NPNT: variants seen among roughly 807,000 people sequenced by gnomAD.
The protein encoded by NPNT is nephronectin.
NPNT carries 45 observed loss-of-function variants against 68.6 expected under a neutral mutation model. The ratio of observed to expected loss-of-function variants is 0.66; its 90% CI spans 0.52 to 0.84. The LOEUF (loss-of-function observed/expected upper bound fraction) is 0.84, where lower values mean the gene tolerates loss of function less well. Ranked by LOEUF, NPNT falls within the 40% of genes least tolerant of loss-of-function variation. The pLI is 0.00. For synonymous variants in NPNT, 233 were observed against 253.3 expected (o/e 0.92, Z 0.76); for missense variants, 672 against 714.8 (o/e 0.94, Z 0.68).
At chr4:105,935,928 C>T (rs562027913) in intron 3 of NPNT, among the ~76,000 whole-genome samples, 43 of 152,184 alleles carry the variant, frequency 2.8e-4, no homozygotes, top group African/African-American at 1.0e-3. Context: ...GACATATTAT[C>T]TATATTTTTT....
Position 105,968,998 on chromosome 4 carries a change from A to G in NPNT, c.*8A>G, listed in dbSNP as rs1732386686. ...TGCTCTGAAGAACGCTAACAACTCC[A>G]GAACTAACAATGAACTCCTATGTTG... On this transcript the variant is annotated 3_prime_UTR_variant, in exon 12 of 12. Coordinates refer to ENST00000379987, the MANE Select transcript of NPNT (RefSeq NM_001033047.3). 4 of 1,540,680 alleles carry G rather than the reference A, an allele frequency of 2.6e-6. No individual in the cohort carries two copies. The highest frequency in any genetic ancestry group is 2.7e-5 in the African/African-American group (2 of 73,368).
intron 2 of NPNT, among the ~76,000 whole-genome samples, chr4:105,915,768 T>C (rs1727763504): frequency 6.6e-6 from 1 of 152,212 alleles, no homozygotes; most frequent in Non-Finnish European, 1.5e-5. Flanking sequence ...AGAAACTTGA[T>C]ATGTGCTTGG....
chr4:105,946,455 G>A (rs373350721), intron 8 of NPNT, among the ~76,000 whole-genome samples: 7 of 152,172 alleles, frequency 4.6e-5, no homozygotes, highest in Admixed American at 1.3e-4. Flanking sequence ...AGGGGAACCC[G>A]CCCCCAATAT....
intron 2 of NPNT, among the ~76,000 whole-genome samples, chr4:105,905,665 T>TA (rs1403368694): frequency 7.2e-5 from 11 of 152,224 alleles, no homozygotes; most frequent in Admixed American, 7.2e-4. Flanking sequence ...ATCCCCTATT[T>TA]ATGTACCTTT....
chr4:105,963,557 T>C (rs1176586529), intron 10 of NPNT, among the ~76,000 whole-genome samples: 2 of 151,890 alleles, frequency 1.3e-5, no homozygotes, highest in Admixed American at 6.6e-5. Flanking sequence ...AAATGGAAAA[T>C]TGTGCTGCTG....
intron 8 of NPNT, among the ~76,000 whole-genome samples, chr4:105,949,211 T>C (rs1730620906): frequency 6.6e-6 from 1 of 152,198 alleles, no homozygotes; most frequent in Non-Finnish European, 1.5e-5. Context: ...TTCTCAATAC[T>C]CCAATGTGCT....
rs745892365 is a variant in NPNT, at chr4:105,927,350, C to G, written c.187C>G (p.Arg63Gly). Residue 63 changes from arginine to glycine, a missense_variant, in exon 3 of 12, where the codon CGA (arginine) becomes GGA (glycine). Coordinates refer to ENST00000379987, the MANE Select transcript of NPNT (RefSeq NM_001033047.3). ...TCTTTTCACAGCTGTGTGCCAACCA[C>G]GATGCAAACATGGTGAATGTATCGG... ...WGQCQPVCQP[R>G]CKHGECIGPN... 6.2e-7 allele frequency: 1 copy of G among 1,610,712 alleles called. No homozygotes were observed. Among genetic ancestry groups the G allele is most frequent in the Admixed American group, 1.7e-5 (1 of 59,728 alleles).
At chr4:105,912,453 C>G (rs1172952910) in intron 2 of NPNT, 3 of 462,268 alleles carry the variant, frequency 6.5e-6, no homozygotes, top group South Asian at 4.1e-5. Flanking sequence ...TTTTCCGTTT[C>G]AGTTGATTAT....
intron 4 of NPNT, 55 bp from the exon 5 acceptor site, chr4:105,938,246 C>G: frequency 1.9e-6 from 3 of 1,583,488 alleles, no homozygotes; most frequent in Non-Finnish European, 2.6e-6. Context: ...ATAGCTATTT[C>G]CATTACAGAT....
chr4:105,958,203 C>T (rs1164756150), intron 8 of NPNT, among the ~76,000 whole-genome samples: 2 of 152,072 alleles, frequency 1.3e-5, no homozygotes. Flanking sequence ...ATGTATTTTC[C>T]AGATAAAGAC....
chr4:105,941,935 C>A, intron 7 of NPNT, among the ~76,000 whole-genome samples: 1 of 152,022 alleles, frequency 6.6e-6, no homozygotes, highest in East Asian at 1.9e-4. Context: ...ATTAAAAAAA[C>A]TTAGAATGTC....
rs1433023541 is a variant in NPNT at position 105,937,034 on chromosome 4, C to T, written c.291C>T (p.Pro97=). The change falls in exon 4 of 12, where the codon CCC becomes CCT. Residue 97 remains proline, a synonymous_variant. Coordinates refer to ENST00000379987, the MANE Select transcript of NPNT (RefSeq NM_001033047.3). ...NQDLNECGLK[P]RPCKHRCMNT... ...ATCTAAATGAGTGTGGCCTGAAGCC[C>T]CGGCCCTGTAAGCACAGGTGCATGA... 1 of 1,613,298 alleles carries T rather than the reference C, an allele frequency of 6.2e-7. No individual in the cohort carries two copies. Among genetic ancestry groups the T allele is most frequent in the Non-Finnish European group, 8.5e-7 (1 of 1,179,664 alleles).
chr4:105,923,697 G>A (rs1336979682), intron 2 of NPNT, among the ~76,000 whole-genome samples: 6 of 152,076 alleles, frequency 3.9e-5, no homozygotes, highest in South Asian at 2.1e-4. Context: ...AGAACAAGCC[G>A]TGCTCTTCAG....
intron 8 of NPNT, among the ~76,000 whole-genome samples, chr4:105,947,953 A>G (rs1730517329): frequency 6.6e-6 from 1 of 152,178 alleles, no homozygotes; most frequent in South Asian, 2.1e-4. Context: ...AAATGGCCAC[A>G]TAGTGGGCAG....
intron 8 of NPNT, among the ~76,000 whole-genome samples, chr4:105,949,970 C>G (rs1730690678): frequency 6.6e-6 from 1 of 152,126 alleles, no homozygotes; most frequent in Admixed American, 6.6e-5. Flanking sequence ...AATTTTTAAA[C>G]TGTTCAACTG....
At chr4:105,968,333 G>C (rs6533227) in intron 11 of NPNT, among the ~76,000 whole-genome samples, 72,634 of 152,100 alleles carry the variant, frequency 0.48, 18,729 homozygotes, top group East Asian at 0.77. Flanking sequence ...ATAGCACTTA[G>C]GTTTTCTCTT....
At chr4:105,939,325 G>A (rs1729740456) in intron 5 of NPNT, among the ~76,000 whole-genome samples, 1 of 152,186 alleles carries the variant, frequency 6.6e-6, no homozygotes, top group African/African-American at 2.4e-5. Flanking sequence ...GACATTGCAG[G>A]GCACTGCGGT....
At chr4:105,934,625 G>C (rs1472203643) in intron 3 of NPNT, among the ~76,000 whole-genome samples, 1 of 152,176 alleles carries the variant, frequency 6.6e-6, no homozygotes, top group Non-Finnish European at 1.5e-5. Flanking sequence ...AGCTGGTAGA[G>C]TACAGCTTTC....
Position 105,895,692 on chromosome 4 carries a change from T to C in NPNT, c.40T>C (p.Tyr14His). The C allele has an allele frequency of 6.4e-7, 1 of 1,553,976 alleles. No homozygotes were observed. The highest frequency in any genetic ancestry group is 8.7e-7 in the Non-Finnish European group (1 of 1,148,258). The change falls in exon 1 of 12, where the codon TAC becomes CAC. Residue 14 changes from tyrosine to histidine, a missense_variant. Coordinates refer to ENST00000379987, the MANE Select transcript of NPNT (RefSeq NM_001033047.3). Reference sequence around the variant, plus strand: ...GGCGCTGGTGCTGGTATCCTCGCTCTACCTGCAGGCGGCCGCCGAGTTCGA... The same window carrying C: ...GGCGCTGGTGCTGGTATCCTCGCTCCACCTGCAGGCGGCCGCCGAGTTCGA... ...LLALVLVSSL[Y>H]LQAAAEFDGR...
Sources: gnomAD v4.1 joint callset for allele counts (sites outside exome capture counted in the v4.1 genomes callset) on GRCh38, gnomAD v4.1.1 for gene constraint, MANE v1.5 for transcripts, NCBI Gene and HGNC (gene_info 2026-07-23, HGNC 2026-07-21) for gene names.